CDK5RAP2: variants seen among roughly 807,000 people sequenced by gnomAD.
CDK5RAP2 encodes CDK5 regulatory subunit associated protein 2, also known as CDK5 regulatory subunit-associated protein 2.
A neutral mutation model predicts 232.9 loss-of-function variants in CDK5RAP2; 147 were observed. That is an observed-to-expected ratio of 0.63 (90% confidence interval 0.55 to 0.72). The LOEUF (loss-of-function observed/expected upper bound fraction) is 0.72. Among genes scored for constraint, CDK5RAP2 ranks in the 30% least tolerant of loss-of-function variants. CDK5RAP2 has a pLI of 0.00. For synonymous variants in CDK5RAP2, 833 were observed against 833.7 expected (o/e 1.00, Z 0.01); for missense variants, 2,195 against 2,231.5 (o/e 0.98, Z 0.33).
chr9:120,427,489 C>T (rs1380763054), intron 25 of CDK5RAP2, among the ~76,000 whole-genome samples: 1 of 152,164 alleles, frequency 6.6e-6, no homozygotes, highest in Non-Finnish European at 1.5e-5. Context: ...ATCTGAACTC[C>T]AGTCTGTCTG....
At chr9:120,401,610 CAAAAAAAAA>C (rs142588120) in intron 34 of CDK5RAP2, among the ~76,000 whole-genome samples, 7 of 61,542 alleles carry the variant, frequency 1.1e-4, no homozygotes, top group Non-Finnish European at 2.1e-4. Flanking sequence ...GACCCTGTCT[CAAAAAAAAA>C]AAAAAAAAAA....
Position 120,443,617 on chromosome 9 carries a change from G to T in CDK5RAP2, c.3148+3C>A, listed in dbSNP as rs370502129. ...TCAATACACACAGGGGCTGAATTCT[G>T]ACCAATCTCGTAGCTTCTTTGCTGA... On this transcript the variant is annotated splice_donor_region_variant and intron_variant, in intron 23 of 37. Coordinates refer to ENST00000349780, the MANE Select transcript of CDK5RAP2 (RefSeq NM_018249.6). 42 of 1,614,044 alleles carry T rather than the reference G, an allele frequency of 2.6e-5. No individual in the cohort carries two copies. Among genetic ancestry groups the T allele is most frequent in the Non-Finnish European group, 3.5e-5 (41 of 1,179,956 alleles).
rs1192840108 is a variant in CDK5RAP2 at position 120,487,291 on chromosome 9, T to C, written c.1626+3A>G. The C allele has an allele frequency of 5.6e-6, 9 of 1,613,984 alleles. No homozygotes were observed. The highest frequency in any genetic ancestry group is 3.3e-5 in the Admixed American group (2 of 59,998). On this transcript the variant is annotated splice_donor_region_variant and intron_variant, in intron 14 of 37. Transcript: ENST00000349780. The stretch of plus-strand genomic sequence containing the variant: ...GTGAATGTCCAATTTCAGTCAAGCT[T>C]ACCTTAGAGAAGATGGTTTTGCTGC...
intron 28 of CDK5RAP2, among the ~76,000 whole-genome samples, chr9:120,413,197 T>A (rs1209379549): frequency 6.6e-6 from 1 of 152,172 alleles, no homozygotes; most frequent in African/African-American, 2.4e-5. Context: ...GGCAAAGAAA[T>A]AGGCCAAAGA....
rs567759525 is a variant in CDK5RAP2 at position 120,439,311 on chromosome 9, T to C, written c.3722+88A>G. 40 of 1,089,720 alleles carry C rather than the reference T, an allele frequency of 3.7e-5. No homozygotes were observed. In the African/African-American group the frequency reaches 6.0e-4, roughly 16 times the overall value. The allele number at this position is 1,089,720 out of a possible 1,614,324, so 67.5% of individuals were successfully genotyped here. ...ACACACTCTACCCATCACAGAGTAG[T>C]GTTCTCTTTTAGCTCATGGGCTCCC... On this transcript the variant is annotated intron_variant, in intron 24 of 37. Coordinates refer to ENST00000349780, the MANE Select transcript of CDK5RAP2 (RefSeq NM_018249.6).
At chr9:120,565,260 T>C (rs2042607411) in intron 3 of CDK5RAP2, among the ~76,000 whole-genome samples, 1 of 152,188 alleles carries the variant, frequency 6.6e-6, no homozygotes, top group Non-Finnish European at 1.5e-5. Flanking sequence ...CCTCCAGCTC[T>C]GAAATTAACT....
chr9:120,411,290 C>T, intron 29 of CDK5RAP2, 68 bp downstream of exon 29: 2 of 953,446 alleles, frequency 2.1e-6, no homozygotes, highest in East Asian at 2.4e-5. Context: ...GACTCCAATG[C>T]CTGCATTCTT....
intron 10 of CDK5RAP2, among the ~76,000 whole-genome samples, chr9:120,527,237 G>GC (rs1198309194): frequency 3.3e-5 from 5 of 152,166 alleles, no homozygotes; most frequent in African/African-American, 1.2e-4. Flanking sequence ...GATTACAAAC[G>GC]CAACACTCAG....
intron 20 of CDK5RAP2, among the ~76,000 whole-genome samples, chr9:120,456,693 T>C (rs116609994): frequency 0.016 from 2,474 of 152,330 alleles, 70 homozygotes; most frequent in African/African-American, 0.056. Context: ...TAAATTTTCC[T>C]TCCCTCCGCC....
chr9:120,516,655 G>A (rs1264142607), intron 12 of CDK5RAP2, among the ~76,000 whole-genome samples: 5 of 152,006 alleles, frequency 3.3e-5, no homozygotes, highest in Non-Finnish European at 2.9e-5. Flanking sequence ...GCCAGACCCT[G>A]TCTCCACAAA....
intron 13 of CDK5RAP2, among the ~76,000 whole-genome samples, chr9:120,490,402 T>C (rs1312441252): frequency 6.6e-6 from 1 of 152,234 alleles, no homozygotes; most frequent in Non-Finnish European, 1.5e-5. Flanking sequence ...GGTGACCCCA[T>C]GGCCAGAGAT....
At chr9:120,554,628 GT>G (rs1350064880) in intron 3 of CDK5RAP2, among the ~76,000 whole-genome samples, 2 of 151,036 alleles carry the variant, frequency 1.3e-5, no homozygotes, top group African/African-American at 4.9e-5. Flanking sequence ...GAAACTTTTT[GT>G]TTTTTTTGTT....
chr9:120,578,251 G>A (rs2043108823), intron 1 of CDK5RAP2, among the ~76,000 whole-genome samples: 1 of 152,152 alleles, frequency 6.6e-6, no homozygotes, highest in African/African-American at 2.4e-5. Context: ...TGGTCACAAA[G>A]CAAGACTCCG....
chr9:120,517,376 A>G (rs1270984685), intron 12 of CDK5RAP2, among the ~76,000 whole-genome samples: 1 of 152,142 alleles, frequency 6.6e-6, no homozygotes, highest in Non-Finnish European at 1.5e-5. Flanking sequence ...CCAGAGAACT[A>G]ACCACTGGTA....
At chr9:120,412,676 T>C (rs2033925110) in intron 28 of CDK5RAP2, among the ~76,000 whole-genome samples, 1 of 152,188 alleles carries the variant, frequency 6.6e-6, no homozygotes, top group African/African-American at 2.4e-5. Flanking sequence ...CAAATCCCTG[T>C]TGTTACCATC....
chr9:120,579,676 T>A lies in CDK5RAP2; in HGVS notation c.59+244A>T, dbSNP rs187674811. Among the ~76,000 whole-genome samples, 10 of 152,314 alleles carry A rather than the reference T, an allele frequency of 6.6e-5. No individual in the cohort carries two copies. The East Asian group carries it at 1.2e-3, about 18-fold the overall frequency. On this transcript the variant is annotated intron_variant, in intron 1 of 37. Transcript: ENST00000349780. ...ACTCTTTCAGAAAACTCCTTACCTG[T>A]TCTTCACACGCTCTACAAAGTACAT... is the stretch of plus-strand genomic sequence containing the variant.
At chr9:120,419,681 A>G in intron 27 of CDK5RAP2, 107 bp downstream of exon 27, 1 of 875,368 alleles carries the variant, frequency 1.1e-6, no homozygotes, top group South Asian at 1.3e-5. Context: ...ATCTCCTTTC[A>G]TCAGAGAAAT....
chr9:120,562,224 T>C (rs904087012), intron 3 of CDK5RAP2, among the ~76,000 whole-genome samples: 2 of 152,206 alleles, frequency 1.3e-5, no homozygotes, highest in Non-Finnish European at 2.9e-5. Flanking sequence ...AGAGTAATTT[T>C]ATATTTATGG....
At position 120,437,350 on chromosome 9, in the gene CDK5RAP2, T is replaced by C. The variant is rs369341567; in HGVS notation, c.3900A>G (p.Glu1300=). 3 of 1,614,130 alleles carry C rather than the reference T, an allele frequency of 1.9e-6. No individual in the cohort carries two copies. Among genetic ancestry groups the C allele is most frequent in the Non-Finnish European group, 1.7e-6 (2 of 1,180,010 alleles). ...GCAGCTCAGCACATTGATTCAGCTG[T>C]TCCTGGAAACCCTCGGCCACACAGT... ...VDYCVAEGFQ[E]QLNQCAELLE... Residue 1300 remains glutamate, a synonymous_variant, in exon 25 of 38, where the codon GAA becomes GAG. Coordinates refer to ENST00000349780, the MANE Select transcript of CDK5RAP2 (RefSeq NM_018249.6).
Sources: gnomAD v4.1 joint callset for allele counts (sites outside exome capture counted in the v4.1 genomes callset) on GRCh38, gnomAD v4.1.1 for gene constraint, MANE v1.5 for transcripts, NCBI Gene and HGNC (gene_info 2026-07-23, HGNC 2026-07-21) for gene names.